SNRNP27: variants seen among roughly 807,000 people sequenced by gnomAD.
SNRNP27 encodes small nuclear ribonucleoprotein U4/U6.U5 subunit 27, also known as U4/U6.U5 small nuclear ribonucleoprotein 27 kDa protein.
SNRNP27 carries 22 observed loss-of-function variants against 25.1 expected under a neutral mutation model. The ratio of observed to expected loss-of-function variants is 0.88; its 90% CI spans 0.63 to 1.25. SNRNP27 has a LOEUF of 1.25. Among genes scored for constraint, SNRNP27 ranks in the 50% most tolerant of loss-of-function variants. The probability of loss-of-function intolerance (pLI) is 0.00; values close to 1 mark genes in which losing one functional copy is unlikely to be tolerated. For synonymous variants in SNRNP27, 66 were observed against 64.9 expected (o/e 1.02, Z -0.08); for missense variants, 150 against 202.3 (o/e 0.74, Z 1.57).
chr2:69,897,344 A>G (rs1177130530), intron 3 of SNRNP27, 33 bp from the exon 4 acceptor site: 1 of 1,427,784 alleles, frequency 7.0e-7, no homozygotes, highest in East Asian at 2.3e-5. Flanking sequence ...ATTTGAAATG[A>G]TAGAGAGGTC....
chr2:69,897,701 A>G, intron 4 of SNRNP27: 1 of 422,504 alleles, frequency 2.4e-6, no homozygotes, highest in South Asian at 2.8e-5. Context: ...GAAGAGGAAG[A>G]AGATTATTTC....
At chr2:69,897,591 AAAG>A in intron 4 of SNRNP27, 135 bp downstream of exon 4, 1 of 693,032 alleles carries the variant, frequency 1.4e-6, no homozygotes, top group Non-Finnish European at 2.5e-6. Flanking sequence ...TTGAGAATAC[AAAG>A]GAGGAAACAG....
chr2:69,902,921 CCTCCTTTCTT>C (rs1318020719), intron 4 of SNRNP27, among the ~76,000 whole-genome samples: 1 of 147,454 alleles, frequency 6.8e-6, no homozygotes, highest in Non-Finnish European at 1.5e-5. Context: ...CTTCCTTTCT[CCTCCTTTCTT>C]CTTCTTCTTT....
At chr2:69,901,652 C>CAGAA (rs1312789491) in intron 4 of SNRNP27, among the ~76,000 whole-genome samples, 1 of 151,456 alleles carries the variant, frequency 6.6e-6, no homozygotes, top group Non-Finnish European at 1.5e-5. Flanking sequence ...CCCATCTCTA[C>CAGAA]AGAAAAAAAA....
intron 2 of SNRNP27, among the ~76,000 whole-genome samples, chr2:69,895,842 G>C (rs1212432419): frequency 1.3e-5 from 2 of 152,208 alleles, no homozygotes; most frequent in Admixed American, 1.3e-4. Flanking sequence ...TTACAGGCGT[G>C]AGCCACTGCA....
intron 5 of SNRNP27, among the ~76,000 whole-genome samples, chr2:69,903,762 G>A (rs1180481941): frequency 6.6e-6 from 1 of 152,144 alleles, no homozygotes; most frequent in Non-Finnish European, 1.5e-5. Flanking sequence ...TAATAGTCCA[G>A]TTAATTTAGA....
Position 69,897,375 on chromosome 2 carries a change from A to G in SNRNP27, c.269-2A>G. The G allele has an allele frequency of 6.2e-7, 1 of 1,606,968 alleles. No individual in the cohort carries two copies. The highest frequency in any genetic ancestry group is 8.5e-7 in the Non-Finnish European group (1 of 1,175,306). ...AGGTCACAAAATTATTCTTTTTTGC[A>G]GAGGAAGACTTAGAGGGCAAAACAG... On this transcript the variant is annotated splice_acceptor_variant, in intron 3 of 5. Coordinates refer to ENST00000244227, the MANE Select transcript of SNRNP27 (RefSeq NM_006857.3). LOFTEE classifies it high-confidence loss of function.
At chr2:69,902,465 C>G (rs1676719035) in intron 4 of SNRNP27, among the ~76,000 whole-genome samples, 1 of 152,136 alleles carries the variant, frequency 6.6e-6, no homozygotes, top group Non-Finnish European at 1.5e-5. Context: ...TCTTCTTCGG[C>G]TTCTGCTGCT....
In SNRNP27 at chr2:69,895,108, C is replaced by T; in HGVS notation, c.49C>T (p.Arg17Trp). Residue 17 changes from arginine (R) to tryptophan (W), a missense_variant, in exon 2 of 6, where the codon CGG becomes TGG. Around this residue, in one of 2 missense-constraint regions of SNRNP27, gnomAD observed 142 missense variants for 168.6 expected, o/e 0.84. Transcript: ENST00000244227. ...GTTTGCATTAGAACGTAGGCGTTCC[C>T]GGTCCACATCCCGGGAGAGAGAACG... ...RSPRRERRRS[R>W]STSRERERRR... The T allele has an allele frequency of 1.2e-6, 2 of 1,613,324 alleles. No homozygotes were observed. Among genetic ancestry groups the T allele is most frequent in the Non-Finnish European group, 1.7e-6 (2 of 1,179,882 alleles).
chr2:69,897,670 A>C, intron 4 of SNRNP27: 1 of 529,922 alleles, frequency 1.9e-6, no homozygotes, highest in Non-Finnish European at 3.4e-6. Flanking sequence ...TTTAAAGGAC[A>C]AGTAGAAGTG....
intron 1 of SNRNP27, among the ~76,000 whole-genome samples, chr2:69,894,418 G>C (rs1216938775): frequency 6.6e-6 from 1 of 152,110 alleles, no homozygotes; most frequent in African/African-American, 2.4e-5. Flanking sequence ...AAAAACTGAT[G>C]TGAGAATTAA....
intron 4 of SNRNP27, among the ~76,000 whole-genome samples, chr2:69,902,265 TCTCCTTCCTCCTCCTCCTTC>T (rs1464916570): frequency 2.1e-5 from 3 of 144,290 alleles, no homozygotes; most frequent in East Asian, 2.0e-4. Context: ...CCTTCTTTCT[TCTCCTTCCTCCTCCTCCTTC>T]CTCCTTCCTC....
intron 4 of SNRNP27, among the ~76,000 whole-genome samples, chr2:69,902,938 CTTTTT>C (rs761833954): frequency 4.3e-5 from 4 of 92,410 alleles, no homozygotes; most frequent in South Asian, 4.4e-4. Flanking sequence ...TCTTCTTCTT[CTTTTT>C]TTTTTTTTTT....
rs71397377 is a variant in SNRNP27, at chr2:69,904,531, GCGTCAAC to G, written c.*225_*231del. ...TTTTAGGAAATATCATTTGTGGCAG[GCGTCAAC>G]CCCATTTTATTTGTCCTTATTCCTG... On this transcript the variant is annotated 3_prime_UTR_variant, in exon 6 of 6. Coordinates refer to ENST00000244227, the MANE Select transcript of SNRNP27 (RefSeq NM_006857.3). The G allele has an allele frequency of 0.24, 146,848 of 605,972 alleles. 18,586 individuals carry two copies. Among genetic ancestry groups the G allele is most frequent in the East Asian group, 0.34 (11,681 of 34,864 alleles). The allele number at this position is 605,972 out of a possible 1,614,324, so 37.5% of individuals were successfully genotyped here. A position where few individuals can be genotyped will look rare whatever the true frequency, so the allele number is the denominator to read the frequency against.
Position 69,898,360 on chromosome 2 carries a change from T to C in SNRNP27, c.348+904T>C, listed in dbSNP as rs1248566337. 1.6e-5 allele frequency among the ~76,000 whole-genome samples: 2 copies of C among 125,270 alleles called. 1 individual carries two copies. Among genetic ancestry groups the C allele is most frequent in the Admixed American group, 1.5e-4 (2 of 12,966 alleles). 82.2% of individuals were successfully genotyped at this position (125,270 alleles called of 152,430 possible). A position where few individuals can be genotyped will look rare whatever the true frequency, so the allele number is the denominator to read the frequency against. ...AGGGAAGAGGAAAAAGAGGGAGGGA[T>C]TATATAGAGGAGGGAGAGCATAGAG... is the stretch of plus-strand genomic sequence containing the variant. On this transcript the variant is annotated intron_variant, in intron 4 of 5. Coordinates refer to ENST00000244227, the MANE Select transcript of SNRNP27 (RefSeq NM_006857.3).
rs777621846 is a variant in SNRNP27, at chr2:69,903,181, G to T, written c.349G>T (p.Gly117Cys). The T allele has an allele frequency of 6.2e-7, 1 of 1,611,138 alleles. No individual in the cohort carries two copies. ...CTGTTTGTTTATTGTTTTTCTTCAG[G>T]GTAAGAAGGTGGATGGCTCTGTAAA... The part of the protein sequence containing the change: ...MGFASFDSTK[G>C]KKVDGSVNAY... Residue 117 changes from glycine to cysteine, a missense_variant and splice_region_variant, in exon 5 of 6, where the codon GGT (glycine) becomes TGT (cysteine). Gly to Cys is a radical substitution (Grantham distance 159). Around this residue, in one of 2 missense-constraint regions of SNRNP27, gnomAD observed 142 missense variants for 168.6 expected, o/e 0.84. Transcript: ENST00000244227.
chr2:69,898,464 G>A (rs1385693272), intron 4 of SNRNP27, among the ~76,000 whole-genome samples: 1 of 152,012 alleles, frequency 6.6e-6, no homozygotes, highest in Non-Finnish European at 1.5e-5. Context: ...GGGAGGGTGT[G>A]TGGAAAGAAA....
chr2:69,894,603 A>G (rs1362569571), intron 1 of SNRNP27, among the ~76,000 whole-genome samples: 2 of 152,136 alleles, frequency 1.3e-5, no homozygotes, highest in Non-Finnish European at 2.9e-5. Context: ...AGCGCGACGT[A>G]AAGAACCCTG....
chr2:69,894,890 C>A (rs1328284067), intron 1 of SNRNP27, among the ~76,000 whole-genome samples: 1 of 152,138 alleles, frequency 6.6e-6, no homozygotes, highest in Non-Finnish European at 1.5e-5. Context: ...CCGCGTTGGC[C>A]AGGCTGGTCT....
Sources: allele counts gnomAD v4.1 joint callset (sites outside exome capture counted in the v4.1 genomes callset), GRCh38; gene constraint gnomAD v4.1.1; regional missense constraint gnomAD v4.1.1; transcripts MANE v1.5; gene names NCBI Gene and HGNC (gene_info 2026-07-23, HGNC 2026-07-21).